RBFOX1: variants seen among roughly 807,000 people sequenced by gnomAD.
The protein encoded by RBFOX1 is RNA binding protein fox-1 homolog 1.
Under a neutral mutation model 57.7 loss-of-function variants are expected in RBFOX1, and 8 were observed. The observed-to-expected ratio is 0.14, with a 90% CI of 0.08 to 0.25. RBFOX1 has a LOEUF of 0.25. Ranked by LOEUF, RBFOX1 falls within the 10% of genes least tolerant of loss-of-function variation. The pLI is 1.00. For missense variants in RBFOX1, 611 were observed against 548.5 expected, an observed-to-expected ratio of 1.11 and a Z score of -1.14; for synonymous variants, 326 against 222.4, an observed-to-expected ratio of 1.47 and a Z score of -4.15.
rs74004682 is a variant in RBFOX1 at position 5,892,209 on chromosome 16, C to T, written c.351+24874C>T. On this transcript the variant is annotated intron_variant, in intron 4 of 19. Transcript: ENST00000641259. ...AGAGGGGCTGGCAGTGCTAGGTACA[C>T]AGCAGCGTGAATGGCTGAGAAAGTG... Among the ~76,000 whole-genome samples, 799 of 152,208 alleles carry T rather than the reference C, an allele frequency of 5.2e-3. 7 individuals carry two copies. The highest frequency in any genetic ancestry group is 0.018 in the African/African-American group (732 of 41,532).
At chr16:6,511,672 C>A (rs1436227507) in intron 2 of RBFOX1, among the ~76,000 whole-genome samples, 1 of 152,060 alleles carries the variant, frequency 6.6e-6, no homozygotes. Flanking sequence ...AAGAAAGAAA[C>A]CTTTTGCTTT....
chr16:6,654,199 C>A (rs528377581), intron 2 of RBFOX1, among the ~76,000 whole-genome samples: 1 of 152,018 alleles, frequency 6.6e-6, no homozygotes, highest in East Asian at 1.9e-4. Context: ...AAAAATAGAT[C>A]CTGATAATTT....
intron 1 of RBFOX1, among the ~76,000 whole-genome samples, chr16:6,234,151 C>G (rs1265527507): frequency 1.3e-5 from 2 of 152,150 alleles, no homozygotes; most frequent in Non-Finnish European, 2.9e-5. Context: ...CTTAAAGCCC[C>G]CACCTCTTTT....
At chr16:6,921,140 T>C (rs1040580156) in intron 3 of RBFOX1, among the ~76,000 whole-genome samples, 1 of 152,194 alleles carries the variant, frequency 6.6e-6, no homozygotes, top group African/African-American at 2.4e-5. Flanking sequence ...CAGGCTGCCA[T>C]CTCTTCATTT....
At position 5,684,215 on chromosome 16, in the gene RBFOX1, C is replaced by A. The variant is rs74004490; in HGVS notation, c.318+85254C>A. On this transcript the variant is annotated intron_variant, in intron 3 of 19. Coordinates refer to the RBFOX1 transcript ENST00000641259. ...GAGAGGATGGCGCCCTCTTCGAGGG[C>A]TGACAGGATTGTAGGTTGGTATGCT... Among the ~76,000 whole-genome samples, 129 of 152,214 alleles carry A rather than the reference C, an allele frequency of 8.5e-4. 1 individual carries two copies. Among genetic ancestry groups the A allele is most frequent in the African/African-American group, 2.9e-3 (122 of 41,528 alleles).
chr16:5,478,230 G>A (rs1178125074), intron 2 of RBFOX1, among the ~76,000 whole-genome samples: 1 of 151,692 alleles, frequency 6.6e-6, no homozygotes, highest in East Asian at 1.9e-4. Context: ...CTAGCGAAGG[G>A]AGTTTGATTT....
chr16:6,710,354 A>C (rs1352369245), intron 3 of RBFOX1, among the ~76,000 whole-genome samples: 3 of 152,258 alleles, frequency 2.0e-5, no homozygotes, highest in Non-Finnish European at 4.4e-5. Context: ...AGGTGAAATT[A>C]ATGCATTTTA....
intron 4 of RBFOX1, among the ~76,000 whole-genome samples, chr16:7,439,949 CTTTT>C (rs144449326): frequency 7.4e-5 from 7 of 94,040 alleles, no homozygotes; most frequent in Admixed American, 1.1e-4. Flanking sequence ...TCTTTTCTTT[CTTTT>C]TTTTTTTTTT....
intron 2 of RBFOX1, among the ~76,000 whole-genome samples, chr16:6,519,455 C>T (rs1434305882): frequency 6.6e-6 from 1 of 152,146 alleles, no homozygotes; most frequent in Admixed American, 6.5e-5. Flanking sequence ...AATCCCAGCA[C>T]TTTGGGAGGC....
intron 3 of RBFOX1, among the ~76,000 whole-genome samples, chr16:5,774,193 C>T (rs2054071527): frequency 6.6e-6 from 1 of 152,064 alleles, no homozygotes; most frequent in Non-Finnish European, 1.5e-5. Flanking sequence ...AAACTGAAGC[C>T]CAGAATGGGG....
intron 3 of RBFOX1, among the ~76,000 whole-genome samples, chr16:6,658,123 C>A (rs1316507723): frequency 6.6e-6 from 1 of 152,126 alleles, no homozygotes; most frequent in African/African-American, 2.4e-5. Flanking sequence ...GCCTCATTCC[C>A]ATTCTCTTCC....
At chr16:5,969,271 G>A (rs1245319397) in intron 4 of RBFOX1, among the ~76,000 whole-genome samples, 2 of 145,170 alleles carry the variant, frequency 1.4e-5, no homozygotes, top group South Asian at 2.2e-4. Context: ...TTTGTATGAG[G>A]TATGCCTGTG....
chr16:5,790,625 C>T (rs191049603), intron 3 of RBFOX1, among the ~76,000 whole-genome samples: 160 of 152,092 alleles, frequency 1.1e-3, no homozygotes, highest in Admixed American at 3.0e-3. Flanking sequence ...AGGCAAAAAA[C>T]ATTTCTTATC....
intron 4 of RBFOX1, among the ~76,000 whole-genome samples, chr16:7,217,131 G>C (rs1177135293): frequency 6.8e-6 from 1 of 147,732 alleles, no homozygotes; most frequent in African/African-American, 2.5e-5. Flanking sequence ...CTTTTTGACA[G>C]TCTTGCTCTG....
chr16:5,249,234 C>G (rs1019123036), intron 1 of RBFOX1, among the ~76,000 whole-genome samples: 3 of 152,140 alleles, frequency 2.0e-5, no homozygotes, highest in Non-Finnish European at 4.4e-5. Flanking sequence ...GTGTGGCACC[C>G]TGTTCTGGGG....
At chr16:5,941,678 T>C (rs2059280778) in intron 4 of RBFOX1, among the ~76,000 whole-genome samples, 1 of 152,036 alleles carries the variant, frequency 6.6e-6, no homozygotes, top group Non-Finnish European at 1.5e-5. Context: ...GCATCCCACT[T>C]AGTCATTTTA....
intron 14 of RBFOX1, among the ~76,000 whole-genome samples, chr16:7,688,221 A>ATGTGTGTGTGTGTGTG (rs3029191): frequency 2.9e-4 from 35 of 121,010 alleles, no homozygotes; most frequent in Middle Eastern, 4.1e-3. Context: ...GCAGGTTTAA[A>ATGTGTGTGTGTGTGTG]TGTGTGTGTG....
At chr16:7,222,134 A>C (rs987610485) in intron 4 of RBFOX1, among the ~76,000 whole-genome samples, 2 of 152,196 alleles carry the variant, frequency 1.3e-5, no homozygotes, top group Admixed American at 1.3e-4. Flanking sequence ...CAGCTAAAAA[A>C]AGATTCGTTG....
At chr16:5,931,071 C>T (rs1052122734) in intron 4 of RBFOX1, among the ~76,000 whole-genome samples, 2 of 152,064 alleles carry the variant, frequency 1.3e-5, no homozygotes, top group African/African-American at 4.8e-5. Context: ...ACTTCAGGCT[C>T]AGTAGGACCA....
Sources: allele counts gnomAD v4.1 joint callset (sites outside exome capture counted in the v4.1 genomes callset), GRCh38; gene constraint gnomAD v4.1.1; transcripts MANE v1.5; gene names NCBI Gene and HGNC (gene_info 2026-07-23, HGNC 2026-07-21).